ARHGEF11: variants seen among roughly 807,000 people sequenced by gnomAD.
The protein encoded by ARHGEF11 is Rho guanine exchange factor (GEF) 11.
Under a neutral mutation model 193.7 loss-of-function variants are expected in ARHGEF11, and 55 were observed. That is an observed-to-expected ratio of 0.28 (90% CI 0.23 to 0.36). The LOEUF (loss-of-function observed/expected upper bound fraction) is 0.36. ARHGEF11 is among the 10% of genes least tolerant of loss of function. The probability of loss-of-function intolerance (pLI) is 1.00; values close to 1 mark genes in which losing one functional copy is unlikely to be tolerated. For missense variants in ARHGEF11, 1,723 were observed against 2,005.6 expected, an observed-to-expected ratio of 0.86 and a Z score of 2.69; for synonymous variants, 693 against 768.0, an observed-to-expected ratio of 0.90 and a Z score of 1.62.
intron 36 of ARHGEF11, 71 bp downstream of exon 36, chr1:156,940,136 G>A (rs2101812204): frequency 6.7e-7 from 1 of 1,493,704 alleles, no homozygotes; most frequent in Non-Finnish European, 9.0e-7. Context: ...GGAGGGTGCA[G>A]GCGCCTGCCA....
intron 1 of ARHGEF11, among the ~76,000 whole-genome samples, chr1:156,987,004 C>A (rs1665028226): frequency 6.6e-6 from 1 of 152,360 alleles, no homozygotes; most frequent in East Asian, 1.9e-4. Context: ...AGACCCCAAA[C>A]CTTCAAGTGG....
intron 21 of ARHGEF11, among the ~76,000 whole-genome samples, chr1:156,953,897 T>C (rs1369819629): frequency 6.6e-6 from 1 of 152,192 alleles, no homozygotes; most frequent in African/African-American, 2.4e-5. Flanking sequence ...GTCATTCTTT[T>C]TTCACTGCTG....
intron 1 of ARHGEF11, among the ~76,000 whole-genome samples, chr1:157,036,047 C>CTA (rs1398361755): frequency 3.2e-5 from 4 of 123,364 alleles, no homozygotes; most frequent in East Asian, 4.5e-4. Context: ...ATATATGAAT[C>CTA]TATATAGGAA....
chr1:156,948,092 C>A lies in ARHGEF11; in HGVS notation c.2153+89G>T. 1 of 1,536,410 alleles carries A rather than the reference C, an allele frequency of 6.5e-7. No homozygotes were observed. On this transcript the variant is annotated intron_variant, in intron 24 of 40. Transcript: ENST00000368194. This position sits in a 1 kb window ranked among gnomAD's most constrained non-coding sequence, Gnocchi z 4.2. ...GGGCCCAGAAGAGGAGACAGCCACC[C>A]AACCAGCCCCTTGCAGGTGAGAGGA...
rs11264595 is a variant in ARHGEF11 at position 157,004,824 on chromosome 1, C to A, written c.33-18651G>T. ...TCAGGAAGGAATTCCCTGGGTGAGA[C>A]CCCCCAAACGTAAAAATAAAAGGAA... is the stretch of plus-strand genomic sequence containing the variant. On this transcript the variant is annotated intron_variant, in intron 1 of 40. Transcript: ENST00000368194. Among the ~76,000 whole-genome samples the A allele has an allele frequency of 5.2e-3, 796 of 152,204 alleles. 8 individuals carry two copies. The highest frequency in any genetic ancestry group is 0.018 in the African/African-American group (760 of 41,526).
chr1:156,983,943 G>T (rs1386924096), intron 3 of ARHGEF11, among the ~76,000 whole-genome samples: 1 of 152,190 alleles, frequency 6.6e-6, no homozygotes, highest in Non-Finnish European at 1.5e-5. Context: ...GCCTGTCTCA[G>T]GTTATAAACC....
In ARHGEF11 at chr1:157,044,596, G is replaced by GTTT; in HGVS notation, c.-267_-266insAAA. The GTTT allele has an allele frequency of 4.1e-6, 2 of 490,804 alleles. No individual in the cohort carries two copies. Among genetic ancestry groups the GTTT allele is most frequent in the Non-Finnish European group, 3.6e-6 (1 of 278,068 alleles). The allele number at this position is 490,804 out of a possible 1,614,324, so 30.4% of individuals were successfully genotyped here. On this transcript the variant is annotated 5_prime_UTR_variant, in exon 1 of 41. Coordinates refer to ENST00000368194, the MANE Select transcript of ARHGEF11 (RefSeq NM_198236.3). ...GAAAAAAGAAAAAAAAAGGAAAAGA[G>GTTT]GAAAAACTACGACCTTCTCAGAAAC... is the stretch of plus-strand genomic sequence containing the variant.
At chr1:156,947,551 G>T in intron 25 of ARHGEF11, 101 bp from the exon 26 acceptor site, 1 of 1,418,024 alleles carries the variant, frequency 7.1e-7, no homozygotes, top group Non-Finnish European at 9.3e-7. Flanking sequence ...TCTATTTTTG[G>T]GGGAACTGAA....
chr1:157,021,024 G>A (rs1049027373), intron 1 of ARHGEF11, among the ~76,000 whole-genome samples: 3 of 152,232 alleles, frequency 2.0e-5, no homozygotes, highest in African/African-American at 7.2e-5. Flanking sequence ...GTAATAGCCT[G>A]TGCACACATC....
rs1320718775 is a variant in ARHGEF11 at position 156,993,493 on chromosome 1, G to C, written c.33-7320C>G. Among the ~76,000 whole-genome samples, 5 of 152,146 alleles carry C rather than the reference G, an allele frequency of 3.3e-5. No homozygotes were observed. In the South Asian group the frequency reaches 1.0e-3, roughly 32 times the overall value. On this transcript the variant is annotated intron_variant, in intron 1 of 40. Transcript: ENST00000368194. Reference sequence around the variant, plus strand: ...AGCACACTATACACAGGCTGAGCTAGGTTTTCCTGAGTCTGGGGCAAAGTA... The same window carrying C: ...AGCACACTATACACAGGCTGAGCTACGTTTTCCTGAGTCTGGGGCAAAGTA...
At chr1:156,960,345 C>G in intron 15 of ARHGEF11, 73 bp downstream of exon 15, 1 of 1,491,292 alleles carries the variant, frequency 6.7e-7, no homozygotes, top group Non-Finnish European at 9.3e-7. Flanking sequence ...CCCTTCTGTC[C>G]TCTGGAGCCT....
intron 1 of ARHGEF11, among the ~76,000 whole-genome samples, chr1:157,019,731 T>C (rs957501133): frequency 6.6e-6 from 1 of 152,228 alleles, no homozygotes; most frequent in East Asian, 1.9e-4. Flanking sequence ...TGCAAAATAA[T>C]TGTGTTGGTT....
At chr1:156,984,091 G>C (rs1174397588) in intron 3 of ARHGEF11, among the ~76,000 whole-genome samples, 2 of 152,218 alleles carry the variant, frequency 1.3e-5, no homozygotes, top group African/African-American at 4.8e-5. Context: ...ACATCTGCCT[G>C]ATGATGACCT....
At chr1:157,001,751 G>A (rs993014829) in intron 1 of ARHGEF11, among the ~76,000 whole-genome samples, 5 of 152,176 alleles carry the variant, frequency 3.3e-5, no homozygotes, top group Non-Finnish European at 1.5e-5. Flanking sequence ...AAGTGTTGCT[G>A]TCTCTTACAC....
chr1:157,009,401 C>T (rs1668281810), intron 1 of ARHGEF11, among the ~76,000 whole-genome samples: 1 of 152,184 alleles, frequency 6.6e-6, no homozygotes, highest in African/African-American at 2.4e-5. Context: ...AGGAAACATA[C>T]AATCTTGAGG....
chr1:156,959,170 G>A (rs1182371457), intron 15 of ARHGEF11, 28 bp from the exon 16 acceptor site: 4 of 1,601,046 alleles, frequency 2.5e-6, no homozygotes, highest in South Asian at 1.1e-5. Context: ...AGAAAGCAGA[G>A]TGGATGGGGT....
At chr1:157,032,770 G>A (rs1671458997) in intron 1 of ARHGEF11, among the ~76,000 whole-genome samples, 1 of 152,130 alleles carries the variant, frequency 6.6e-6, no homozygotes, top group Non-Finnish European at 1.5e-5. Context: ...ACCACGCACG[G>A]AGGCCATGAA....
intron 38 of ARHGEF11, among the ~76,000 whole-genome samples, chr1:156,937,733 T>C (rs547169948): frequency 6.6e-6 from 1 of 152,244 alleles, no homozygotes; most frequent in South Asian, 2.1e-4. Flanking sequence ...TGCTGAGCGA[T>C]GAACTCAAGG....
Position 157,025,832 on chromosome 1 carries a change from C to G in ARHGEF11, c.32+18467G>C, listed in dbSNP as rs9633336. On this transcript the variant is annotated intron_variant, in intron 1 of 40. Coordinates refer to ENST00000368194, the MANE Select transcript of ARHGEF11 (RefSeq NM_198236.3). ...AAGGAAGGAGAGGAGAAAAGGGAAACTAAGTCACTTGGAGGGAGATGGCTC... is the reference window on the plus strand; with the variant it reads ...AAGGAAGGAGAGGAGAAAAGGGAAAGTAAGTCACTTGGAGGGAGATGGCTC... 7.9e-5 allele frequency among the ~76,000 whole-genome samples: 12 copies of G among 152,300 alleles called. No individual in the cohort carries two copies. The East Asian group carries it at 2.3e-3, about 29-fold the overall frequency.
Sources: gnomAD v4.1 joint callset for allele counts (sites outside exome capture counted in the v4.1 genomes callset) on GRCh38, gnomAD v4.1.1 for gene constraint, Gnocchi (gnomAD v3.1) non-coding constraint, MANE v1.5 for transcripts, NCBI Gene and HGNC (gene_info 2026-07-23, HGNC 2026-07-21) for gene names.